Variants in KCTD13 observed in about 807,000 individuals in gnomAD.
KCTD13 encodes the protein BTB/POZ domain-containing adapter for CUL3-mediated RhoA degradation protein 1.
In KCTD13, 15 loss-of-function variants were observed where a neutral mutation model predicts 32.3. That is an observed-to-expected ratio of 0.46 (90% CI 0.31 to 0.71). KCTD13 has a LOEUF of 0.71. KCTD13 is among the 30% of genes least tolerant of loss of function. The pLI is 0.05. For missense variants in KCTD13, 337 were observed against 452.6 expected, an observed-to-expected ratio of 0.74 and a Z score of 2.32; for synonymous variants, 189 against 200.1, an observed-to-expected ratio of 0.94 and a Z score of 0.47.
rs1013561775 is a variant in KCTD13 at position 29,925,408 on chromosome 16, G to A, written c.244+382C>T. 7.8e-5 allele frequency: 23 copies of A among 296,426 alleles called. No individual in the cohort carries two copies. In the Admixed American group the frequency reaches 9.7e-4, roughly 12 times the overall value. The allele number at this position is 296,426 out of a possible 1,614,324, so 18.4% of individuals were successfully genotyped here. On this transcript the variant is annotated intron_variant, in intron 1 of 5. Coordinates refer to ENST00000568000, the MANE Select transcript of KCTD13 (RefSeq NM_178863.5). ...GAGGGAAACAAAAGGCTGGGCAGTC[G>A]GAAGAAACTGAGGAAGGCTGCCAGG...
intron 2 of KCTD13, among the ~76,000 whole-genome samples, chr16:29,919,193 T>C (rs141943430): frequency 1.2e-3 from 177 of 152,250 alleles, no homozygotes; most frequent in African/African-American, 4.1e-3. Context: ...CCAGGCAAAG[T>C]TGGAAAGCGG....
intron 5 of KCTD13, among the ~76,000 whole-genome samples, chr16:29,909,836 G>A (rs1312276829): frequency 4.6e-5 from 7 of 151,996 alleles, no homozygotes; most frequent in South Asian, 2.1e-4. Flanking sequence ...TTGGGAGGCC[G>A]AGGAGGGCAG....
At chr16:29,915,212 T>G (rs1487186874) in intron 2 of KCTD13, 1 of 152,250 alleles carries the variant, frequency 6.6e-6, no homozygotes, top group Admixed American at 6.5e-5. Flanking sequence ...AGTTTGGGTG[T>G]GCAAAGCCGT....
In KCTD13 at chr16:29,923,345, C is replaced by G. The variant is rs746217000; in HGVS notation, c.259G>C (p.Asp87His). 12 of 1,613,796 alleles carry G rather than the reference C, an allele frequency of 7.4e-6. No homozygotes were observed. The highest frequency in any genetic ancestry group is 9.3e-6 in the Non-Finnish European group (11 of 1,179,934). Reference sequence around the variant, plus strand: ...GTACCAAAGTGACGGCCGCTCCGGTCAATCAGCACCCAACCTAGTGGGGTG... The same window carrying G: ...GTACCAAAGTGACGGCCGCTCCGGTGAATCAGCACCCAACCTAGTGGGGTG... ...LTDAGGWVLIDRSGRHFGTIL... is the reference protein window; with the variant it reads ...LTDAGGWVLIHRSGRHFGTIL... Residue 87 changes from aspartate (D) to histidine (H), a missense_variant, in exon 2 of 6, where the codon GAC becomes CAC. Asp to His is a moderately conservative substitution (Grantham distance 81). Coordinates refer to ENST00000568000, the MANE Select transcript of KCTD13 (RefSeq NM_178863.5).
At chr16:29,907,596 G>A (rs1353711617) in intron 5 of KCTD13, among the ~76,000 whole-genome samples, 2 of 151,772 alleles carry the variant, frequency 1.3e-5, no homozygotes, top group African/African-American at 4.8e-5. Flanking sequence ...AGTCTAGTCT[G>A]GGCAACATGG....
Position 29,925,929 on chromosome 16 carries a change from C to T in KCTD13, c.105G>A (p.Pro35=). The change falls in exon 1 of 6, where the codon CCG becomes CCA. Residue 35 remains proline (P), a synonymous_variant. Transcript: ENST00000568000. The part of the protein sequence containing the change: ...EPGPAAYGLK[P]LTPNSKYVKL... ...TCACGTATTTGCTGTTCGGGGTCAG[C>T]GGCTTGAGACCGTAGGCGGCGGGGC... 6.2e-7 allele frequency: 1 copy of T among 1,613,984 alleles called. No homozygotes were observed. Among genetic ancestry groups the T allele is most frequent in the Non-Finnish European group, 8.5e-7 (1 of 1,179,918 alleles).
At chr16:29,913,491 C>T (rs764324240) in intron 2 of KCTD13, 1 of 152,158 alleles carries the variant, frequency 6.6e-6, no homozygotes, top group African/African-American at 2.4e-5. Context: ...TAACAAACTG[C>T]CCCCAATTTA....
rs552114535 is a variant in KCTD13 at position 29,919,161 on chromosome 16, A to T, written c.414+4029T>A. On this transcript the variant is annotated intron_variant, in intron 2 of 5. Coordinates refer to ENST00000568000, the MANE Select transcript of KCTD13 (RefSeq NM_178863.5). ...TAAGGATAAGGCTGGGTAATAAACC[A>T]AACGATACCGGGAGTAAACAACCAG... 2.6e-4 allele frequency among the ~76,000 whole-genome samples: 39 copies of T among 152,334 alleles called. No individual in the cohort carries two copies. In the East Asian group the frequency reaches 7.1e-3, roughly 28 times the overall value.
At position 29,925,909 on chromosome 16, in the gene KCTD13, T is replaced by A. The variant is rs1172094955; in HGVS notation, c.125A>T (p.Tyr42Phe). Reference protein sequence around the residue: ...GLKPLTPNSKYVKLNVGGSLH... With the variant: ...GLKPLTPNSKFVKLNVGGSLH... ...CGAGCCGCCCACGTTCAGCTTCACG[T>A]ATTTGCTGTTCGGGGTCAGCGGCTT... The change falls in exon 1 of 6, where the codon TAC becomes TTC. Residue 42 changes from tyrosine (Y) to phenylalanine (F), a missense_variant. Physicochemically the swap from Tyr to Phe is conservative, Grantham distance 22. Around this residue, in one of 3 missense-constraint regions of KCTD13, gnomAD observed 64 missense variants for 59.6 expected, o/e 1.07. Transcript: ENST00000568000. 6.2e-7 allele frequency: 1 copy of A among 1,613,946 alleles called. No homozygotes were observed. Among genetic ancestry groups the A allele is most frequent in the Non-Finnish European group, 8.5e-7 (1 of 1,179,924 alleles).
chr16:29,923,257 TC>T lies in KCTD13; in HGVS notation c.346del (p.Glu116SerfsTer14). On this transcript the variant is annotated frameshift_variant, in exon 2 of 6. Transcript: ENST00000568000. LOFTEE classifies it high-confidence loss of function. ...GTAGTAGCGTGCTTCGCCCAGCAGC[TC>T]CCCCAGTTCTCTCGTACTCTCCGGC... ...PLPESTRELG[E>X]LLGEARYYLV... 1 of 1,614,062 alleles carries T rather than the reference TC, an allele frequency of 6.2e-7. No homozygotes were observed. The highest frequency in any genetic ancestry group is 1.1e-5 in the South Asian group (1 of 91,062).
chr16:29,909,540 T>C (rs1179523119), intron 5 of KCTD13, among the ~76,000 whole-genome samples: 1 of 152,094 alleles, frequency 6.6e-6, no homozygotes, highest in Non-Finnish European at 1.5e-5. Context: ...CCCGGTACAG[T>C]ACTTAGCACA....
intron 2 of KCTD13, among the ~76,000 whole-genome samples, chr16:29,919,173 G>T (rs116577131): frequency 2.0e-5 from 3 of 152,152 alleles, no homozygotes; most frequent in Non-Finnish European, 4.4e-5. Context: ...ACGATACCGG[G>T]AGTAAACAAC....
chr16:29,912,200 A>C, intron 2 of KCTD13, 151 bp from the exon 3 acceptor site: 4 of 651,508 alleles, frequency 6.1e-6, no homozygotes, highest in Admixed American at 3.0e-5. Context: ...CCTCTCTGCC[A>C]CTCTCCCTTT....
chr16:29,910,763 G>A (rs2068692952), intron 5 of KCTD13, among the ~76,000 whole-genome samples: 2 of 152,136 alleles, frequency 1.3e-5, no homozygotes. Context: ...AACAGGCCTA[G>A]GCTAAGCACC....
At chr16:29,918,649 T>TTATA (rs2068852650) in intron 2 of KCTD13, among the ~76,000 whole-genome samples, 2 of 151,792 alleles carry the variant, frequency 1.3e-5, no homozygotes, top group Non-Finnish European at 2.9e-5. Flanking sequence ...TTTTGTAATT[T>TTATA]TTTATTTATT....
chr16:29,917,909 T>C (rs956015665), intron 2 of KCTD13, among the ~76,000 whole-genome samples: 4 of 152,146 alleles, frequency 2.6e-5, no homozygotes, highest in South Asian at 2.1e-4. Context: ...GATGACACCA[T>C]TGAACTCTAA....
At chr16:29,919,573 G>A (rs1216303918) in intron 2 of KCTD13, 1 of 152,144 alleles carries the variant, frequency 6.6e-6, no homozygotes, top group African/African-American at 2.4e-5. Flanking sequence ...ACCCTGGTTT[G>A]ATGAACCAGC....
At chr16:29,914,431 A>G (rs1597019329) in intron 2 of KCTD13, 1 of 146,164 alleles carries the variant, frequency 6.8e-6, no homozygotes, top group Non-Finnish European at 1.5e-5. Flanking sequence ...CCTTAAGTGC[A>G]TTTCTTTTTT....
At chr16:29,923,149 T>C in intron 2 of KCTD13, 41 bp downstream of exon 2, 2 of 1,605,046 alleles carry the variant, frequency 1.2e-6, no homozygotes, top group Non-Finnish European at 8.5e-7. Context: ...CTTGGGCAGC[T>C]CTCCCAGGAA....
Sources: allele counts gnomAD v4.1 joint callset (sites outside exome capture counted in the v4.1 genomes callset), GRCh38; gene constraint gnomAD v4.1.1; regional missense constraint gnomAD v4.1.1; transcripts MANE v1.5; gene names NCBI Gene and HGNC (gene_info 2026-07-23, HGNC 2026-07-21).